CPA6: variants seen among roughly 807,000 people sequenced by gnomAD.
CPA6 encodes the protein carboxypeptidase B.
CPA6 carries 58 observed loss-of-function variants against 63.3 expected under a neutral mutation model. That is an observed-to-expected ratio of 0.92 (90% CI 0.74 to 1.14). The LOEUF is 1.14. Among genes scored for constraint, CPA6 ranks in the 50% most tolerant of loss-of-function variants. The pLI is 0.00. For synonymous variants in CPA6, 185 were observed against 179.0 expected, an observed-to-expected ratio of 1.03 and a Z score of -0.27; for missense variants, 565 against 526.6, an observed-to-expected ratio of 1.07 and a Z score of -0.71.
intron 1 of CPA6, among the ~76,000 whole-genome samples, chr8:67,706,994 C>T (rs1284951641): frequency 1.3e-5 from 2 of 152,044 alleles, no homozygotes; most frequent in African/African-American, 4.8e-5. Flanking sequence ...TAATAATTAT[C>T]ATTGTTATGT....
chr8:67,695,963 C>T (rs1419735784), intron 1 of CPA6, among the ~76,000 whole-genome samples: 1 of 152,084 alleles, frequency 6.6e-6, no homozygotes, highest in Non-Finnish European at 1.5e-5. Context: ...GGAGGGCTCC[C>T]ACCAGAAGAT....
intron 1 of CPA6, among the ~76,000 whole-genome samples, chr8:67,720,328 T>A (rs1817471587): frequency 6.6e-6 from 1 of 152,172 alleles, no homozygotes; most frequent in African/African-American, 2.4e-5. Flanking sequence ...ACTTCTTTTG[T>A]GATTCTTCAG....
chr8:67,441,176 C>T (rs1252014798), intron 8 of CPA6, among the ~76,000 whole-genome samples: 1 of 152,106 alleles, frequency 6.6e-6, no homozygotes, highest in Non-Finnish European at 1.5e-5. Flanking sequence ...GATAAAAGAT[C>T]AGCTTAAAAA....
chr8:67,427,520 G>T (rs143196561), intron 10 of CPA6, among the ~76,000 whole-genome samples: 46 of 152,266 alleles, frequency 3.0e-4, no homozygotes, highest in South Asian at 1.5e-3. Context: ...GGGAGATGAG[G>T]GGGGGTTGGA....
At chr8:67,484,402 T>A (rs1180681756) in intron 7 of CPA6, among the ~76,000 whole-genome samples, 1 of 152,176 alleles carries the variant, frequency 6.6e-6, no homozygotes, top group Non-Finnish European at 1.5e-5. Flanking sequence ...CATTTCTTTA[T>A]AGGCAAAATT....
chr8:67,742,006 A>C (rs1033631679), intron 1 of CPA6, among the ~76,000 whole-genome samples: 1 of 152,096 alleles, frequency 6.6e-6, no homozygotes. Context: ...AATTTTCTCT[A>C]CTGTACAGCA....
chr8:67,635,387 C>A (rs1815444807), intron 1 of CPA6, among the ~76,000 whole-genome samples: 1 of 151,728 alleles, frequency 6.6e-6, no homozygotes, highest in Non-Finnish European at 1.5e-5. Flanking sequence ...TCTCTCTGCT[C>A]AGGCAGCTCT....
chr8:67,712,842 G>A (rs947334423), intron 1 of CPA6, among the ~76,000 whole-genome samples: 1 of 151,262 alleles, frequency 6.6e-6, no homozygotes, highest in Non-Finnish European at 1.5e-5. Context: ...TCATCCCTTC[G>A]TCCAGCATCC....
chr8:67,516,162 C>T (rs1486171722), intron 3 of CPA6, among the ~76,000 whole-genome samples: 2 of 152,166 alleles, frequency 1.3e-5, no homozygotes, highest in East Asian at 3.9e-4. Context: ...TTTGTTCATA[C>T]CCCAGTTTTT....
At chr8:67,526,041 C>T (rs553736472) in intron 2 of CPA6, among the ~76,000 whole-genome samples, 6 of 152,306 alleles carry the variant, frequency 3.9e-5, no homozygotes, top group East Asian at 1.9e-4. Context: ...CCCCTCGCCT[C>T]GCTCATTAGC....
At chr8:67,734,045 AT>A (rs60763583) in intron 1 of CPA6, among the ~76,000 whole-genome samples, 115,200 of 147,302 alleles carry the variant, frequency 0.78, 45,490 homozygotes, top group Admixed American at 0.84. Flanking sequence ...AGCAAACTTA[AT>A]TTTTTTTTTT....
chr8:67,569,495 C>G (rs1813429527), intron 2 of CPA6: 2 of 397,974 alleles, frequency 5.0e-6, no homozygotes, highest in Non-Finnish European at 5.2e-6. Context: ...GGGTCTGTAA[C>G]AGAATCTAAC....
chr8:67,567,307 G>A (rs1277723446), intron 2 of CPA6, among the ~76,000 whole-genome samples: 2 of 152,104 alleles, frequency 1.3e-5, no homozygotes, highest in African/African-American at 4.8e-5. Flanking sequence ...TCTTAAAAAA[G>A]AATAGAAATT....
Position 67,547,232 on chromosome 8 carries a change from G to T in CPA6, c.193-29185C>A, listed in dbSNP as rs377071489. ...CGGCTAAATTTTTGTATTTTTAGTA[G>T]ATACAGGGTTTCACTGTGTTAGCCA... On this transcript the variant is annotated intron_variant, in intron 2 of 10. Coordinates refer to ENST00000297770, the MANE Select transcript of CPA6 (RefSeq NM_020361.5). Among the ~76,000 whole-genome samples, 13 of 152,060 alleles carry T rather than the reference G, an allele frequency of 8.5e-5. No individual in the cohort carries two copies. The East Asian group carries it at 1.6e-3, about 18-fold the overall frequency.
At chr8:67,631,444 T>C (rs1482200571) in intron 1 of CPA6, among the ~76,000 whole-genome samples, 7 of 152,164 alleles carry the variant, frequency 4.6e-5, no homozygotes, top group African/African-American at 1.4e-4. Flanking sequence ...CACCAATCAG[T>C]GCTCTGTGTC....
intron 1 of CPA6, among the ~76,000 whole-genome samples, chr8:67,633,307 A>G (rs971699984): frequency 9.2e-5 from 14 of 152,136 alleles, no homozygotes; most frequent in Admixed American, 2.6e-4. Context: ...AATACATAAT[A>G]TATGTGAATT....
intron 1 of CPA6, among the ~76,000 whole-genome samples, chr8:67,677,815 T>C (rs907965208): frequency 6.6e-6 from 1 of 151,544 alleles, no homozygotes; most frequent in Non-Finnish European, 1.5e-5. Flanking sequence ...TTTTACACAG[T>C]CTACAAAAAT....
At chr8:67,621,416 A>G (rs1449639403) in intron 2 of CPA6, among the ~76,000 whole-genome samples, 1 of 152,182 alleles carries the variant, frequency 6.6e-6, no homozygotes, top group Non-Finnish European at 1.5e-5. Context: ...TCTAGGCTCC[A>G]CTGCCCTGCA....
chr8:67,710,040 G>A (rs575029058), intron 1 of CPA6, among the ~76,000 whole-genome samples: 2 of 152,084 alleles, frequency 1.3e-5, no homozygotes, highest in Non-Finnish European at 2.9e-5. Context: ...TTGAACCCAG[G>A]AGGCAGAGGT....
Sources: allele counts gnomAD v4.1 joint callset (sites outside exome capture counted in the v4.1 genomes callset), GRCh38; gene constraint gnomAD v4.1.1; transcripts MANE v1.5; gene names NCBI Gene and HGNC (gene_info 2026-07-23, HGNC 2026-07-21).